The following SHROOM3 variants were observed in gnomAD, a reference collection of about 807,000 sequenced individuals.
SHROOM3 encodes the protein shroom family member 3, also known as protein Shroom3.
In SHROOM3, 47 loss-of-function variants were observed where a neutral mutation model predicts 138.6. The observed-to-expected ratio is 0.34, with a 90% CI of 0.27 to 0.43. The LOEUF is 0.43. SHROOM3 is among the 20% of genes least tolerant of loss of function. The pLI is 1.00. For missense variants in SHROOM3, 2,491 were observed against 2,596.5 expected, an observed-to-expected ratio of 0.96 and a Z score of 0.88; for synonymous variants, 1,062 against 1,063.3, an observed-to-expected ratio of 1.00 and a Z score of 0.02.
At chr4:76,531,157 AC>A (rs1306024088) in intron 1 of SHROOM3, among the ~76,000 whole-genome samples, 1 of 152,182 alleles carries the variant, frequency 6.6e-6, no homozygotes, top group Non-Finnish European at 1.5e-5. Flanking sequence ...TCAAATGGTA[AC>A]CCTAAAAGCA....
chr4:76,652,112 A>G (rs1421393705), intron 2 of SHROOM3, among the ~76,000 whole-genome samples: 2 of 152,154 alleles, frequency 1.3e-5, no homozygotes, highest in African/African-American at 4.8e-5. Flanking sequence ...CCAAAAAAGG[A>G]CACAACCATT....
intron 2 of SHROOM3, among the ~76,000 whole-genome samples, chr4:76,588,437 G>A (rs1734194403): frequency 6.6e-6 from 1 of 152,146 alleles, no homozygotes; most frequent in South Asian, 2.1e-4. Flanking sequence ...CCCTACTGGT[G>A]CTGTGGACAG....
chr4:76,576,493 G>A (rs1470770833), intron 2 of SHROOM3, among the ~76,000 whole-genome samples: 2 of 152,186 alleles, frequency 1.3e-5, no homozygotes, highest in Non-Finnish European at 2.9e-5. Flanking sequence ...GATGGTTACA[G>A]AGGCTGGGAA....
At chr4:76,544,434 T>TTTTTTTTTCA (rs1579225589) in intron 1 of SHROOM3, among the ~76,000 whole-genome samples, 1 of 143,464 alleles carries the variant, frequency 7.0e-6, no homozygotes, top group African/African-American at 2.8e-5. Context: ...TTTTTTTTTT[T>TTTTTTTTTCA]GATGCAGAGT....
chr4:76,482,751 A>G (rs563349858), intron 1 of SHROOM3, among the ~76,000 whole-genome samples: 2 of 152,332 alleles, frequency 1.3e-5, no homozygotes, highest in South Asian at 2.1e-4. Context: ...TTCAAACTAT[A>G]CTATAAGGCT....
At chr4:76,767,737 C>G (rs1212370088) in intron 9 of SHROOM3, among the ~76,000 whole-genome samples, 1 of 152,066 alleles carries the variant, frequency 6.6e-6, no homozygotes, top group Non-Finnish European at 1.5e-5. Context: ...TTTTTAAATA[C>G]AATGAGGCCA....
intron 2 of SHROOM3, among the ~76,000 whole-genome samples, chr4:76,708,387 A>C (rs899745325): frequency 1.9e-5 from 2 of 107,892 alleles, no homozygotes; most frequent in African/African-American, 2.9e-5. Context: ...CATTGTGCAA[A>C]AAAAAAAAAA....
At chr4:76,597,510 T>TAG (rs1006000121) in intron 2 of SHROOM3, among the ~76,000 whole-genome samples, 5 of 151,884 alleles carry the variant, frequency 3.3e-5, no homozygotes, top group African/African-American at 1.2e-4. Context: ...TTTATGAGAG[T>TAG]AGAGGGTCCC....
At chr4:76,642,972 C>G (rs1490102776) in intron 2 of SHROOM3, among the ~76,000 whole-genome samples, 3 of 151,974 alleles carry the variant, frequency 2.0e-5, no homozygotes, top group Non-Finnish European at 4.4e-5. Flanking sequence ...TTTGGGAGGC[C>G]GAGGCGGGCA....
chr4:76,599,245 G>C (rs886900652), intron 2 of SHROOM3, among the ~76,000 whole-genome samples: 1 of 152,110 alleles, frequency 6.6e-6, no homozygotes, highest in East Asian at 1.9e-4. Flanking sequence ...TGGTTAAAGA[G>C]TAAGAGGAGG....
intron 1 of SHROOM3, among the ~76,000 whole-genome samples, chr4:76,509,098 T>G (rs964805939): frequency 4.6e-5 from 7 of 152,194 alleles, no homozygotes; most frequent in African/African-American, 1.7e-4. Context: ...CTAACATGAA[T>G]TTTGGAGGGA....
intron 2 of SHROOM3, among the ~76,000 whole-genome samples, chr4:76,627,829 T>C (rs1471278776): frequency 6.6e-6 from 1 of 152,120 alleles, no homozygotes; most frequent in African/African-American, 2.4e-5. Context: ...TGTGCCACCA[T>C]GTCCAGCCCA....
At position 76,586,298 on chromosome 4, in the gene SHROOM3, C is replaced by T. The variant is rs564269264; in HGVS notation, c.323+30535C>T. 7.1e-6 allele frequency: 7 copies of T among 985,532 alleles called. No homozygotes were observed. The South Asian group carries it at 2.3e-4, about 33-fold the overall frequency. The allele number at this position is 985,532 out of a possible 1,614,324, so 61.0% of individuals were successfully genotyped here. A position where few individuals can be genotyped will look rare whatever the true frequency, so the allele number is the denominator to read the frequency against. ...ACACCTGTGTCTCAGCTCTGTCTTC[C>T]TCGGGCTGGCTCCTGCGGATCCTTC... On this transcript the variant is annotated intron_variant, in intron 2 of 10. Transcript: ENST00000296043.
chr4:76,452,063 G>A (rs1178984855), intron 1 of SHROOM3, among the ~76,000 whole-genome samples: 1 of 152,160 alleles, frequency 6.6e-6, no homozygotes, highest in East Asian at 1.9e-4. Context: ...CTGGGATCAG[G>A]AAAGATAAAA....
chr4:76,520,619 A>G (rs9999448), intron 1 of SHROOM3, among the ~76,000 whole-genome samples: 107,321 of 151,984 alleles, frequency 0.71, 38,335 homozygotes, highest in East Asian at 0.92. Context: ...TGGGCTCCTG[A>G]GCCTTCCTTT....
At chr4:76,689,667 A>C in intron 2 of SHROOM3, 1 of 985,300 alleles carries the variant, frequency 1.0e-6, no homozygotes. Flanking sequence ...AGCCCCGAGC[A>C]GCCCGGGGGC....
intron 1 of SHROOM3, among the ~76,000 whole-genome samples, chr4:76,536,161 A>G (rs1302468877): frequency 6.6e-6 from 1 of 152,170 alleles, no homozygotes; most frequent in Non-Finnish European, 1.5e-5. Flanking sequence ...CTTTCCTTTC[A>G]TTTCCTTCAC....
chr4:76,475,677 G>A (rs1731470565), intron 1 of SHROOM3, among the ~76,000 whole-genome samples: 1 of 152,204 alleles, frequency 6.6e-6, no homozygotes, highest in African/African-American at 2.4e-5. Context: ...ACATTTAAGA[G>A]TCTATGGCAA....
chr4:76,463,204 T>C (rs528041614), intron 1 of SHROOM3, among the ~76,000 whole-genome samples: 124 of 152,260 alleles, frequency 8.1e-4, no homozygotes, highest in African/African-American at 2.9e-3. Flanking sequence ...AGCAACTTAT[T>C]GGGAACTGAA....
Sources: gnomAD v4.1 joint callset for allele counts (sites outside exome capture counted in the v4.1 genomes callset) on GRCh38, gnomAD v4.1.1 for gene constraint, MANE v1.5 for transcripts, NCBI Gene and HGNC (gene_info 2026-07-23, HGNC 2026-07-21) for gene names.